Variants in RANBP17 observed in about 807,000 individuals in gnomAD.
RANBP17 encodes ran-binding protein 17.
A neutral mutation model predicts 141.2 loss-of-function variants in RANBP17; 158 were observed. That is an observed-to-expected ratio of 1.12 (90% CI 0.98 to 1.28). The LOEUF is 1.28. Ranked by LOEUF, RANBP17 falls within the 50% of genes most tolerant of loss-of-function variation. The probability of loss-of-function intolerance (pLI) is 0.00; values close to 1 mark genes in which losing one functional copy is unlikely to be tolerated. For missense variants in RANBP17, 1,438 were observed against 1,290.7 expected (o/e 1.11, Z -1.75); for synonymous variants, 430 against 450.0 (o/e 0.96, Z 0.56).
intron 24 of RANBP17, among the ~76,000 whole-genome samples, chr5:171,256,323 A>C (rs1214085084): frequency 6.6e-6 from 1 of 152,216 alleles, no homozygotes; most frequent in Admixed American, 6.5e-5. Flanking sequence ...GTGGGGATTA[A>C]TTAGAGATAA....
chr5:171,206,651 C>G (rs996265900), intron 20 of RANBP17: 1 of 177,640 alleles, frequency 5.6e-6, no homozygotes, highest in African/African-American at 2.4e-5. Flanking sequence ...GCAATAGAAA[C>G]TTCTTAAAGG....
rs1767076411 is a variant in RANBP17, at chr5:171,271,075, C to CCTTTTTTTTTTTTTTTTTTTTTTT, written c.2943+5228_2943+5229insCTTTTTTTTTTTTTTTTTTTTTTT. 2 of 27,540 alleles carry CCTTTTTTTTTTTTTTTTTTTTTTT rather than the reference C, an allele frequency of 7.3e-5. 1 individual carries two copies. Among genetic ancestry groups the CCTTTTTTTTTTTTTTTTTTTTTTT allele is most frequent in the Non-Finnish European group, 1.4e-4 (2 of 14,668 alleles). 1.7% of individuals were successfully genotyped at this position (27,540 alleles called of 1,614,324 possible). A position where few individuals can be genotyped will look rare whatever the true frequency, so the allele number is the denominator to read the frequency against. ...TTTCTCCCTCCTTTTTATGTTATTT[C>CCTTTTTTTTTTTTTTTTTTTTTTT]TTTTTTTTTTTTTTTTTTTTTTTTT... On this transcript the variant is annotated intron_variant, in intron 25 of 27. Transcript: ENST00000523189.
intron 14 of RANBP17, among the ~76,000 whole-genome samples, chr5:171,097,105 C>A (rs569601256): frequency 6.6e-6 from 1 of 152,228 alleles, no homozygotes; most frequent in South Asian, 2.1e-4. Context: ...AAATCTAATG[C>A]AGAAATTGTT....
intron 12 of RANBP17, among the ~76,000 whole-genome samples, chr5:170,934,615 G>T (rs574411153): frequency 6.6e-6 from 1 of 152,208 alleles, no homozygotes; most frequent in Admixed American, 6.5e-5. Context: ...TTTTCTTGAA[G>T]AATGTTGAAT....
chr5:171,249,725 T>A (rs926178582), intron 24 of RANBP17, among the ~76,000 whole-genome samples: 1 of 151,892 alleles, frequency 6.6e-6, no homozygotes, highest in Admixed American at 6.6e-5. Flanking sequence ...ACAAAAAAAA[T>A]TTGAAAGAAA....
intron 14 of RANBP17, among the ~76,000 whole-genome samples, chr5:171,152,862 T>G (rs1436276275): frequency 6.6e-6 from 1 of 152,196 alleles, no homozygotes; most frequent in Non-Finnish European, 1.5e-5. Flanking sequence ...ATGACGAAGG[T>G]GTCATTAACC....
At chr5:171,096,282 G>C (rs549060971) in intron 14 of RANBP17, among the ~76,000 whole-genome samples, 34 of 152,316 alleles carry the variant, frequency 2.2e-4, no homozygotes, top group African/African-American at 7.9e-4. Flanking sequence ...TAAAGTGTTA[G>C]TGACCAAGTA....
intron 14 of RANBP17, among the ~76,000 whole-genome samples, chr5:171,048,335 T>C (rs1031509172): frequency 3.3e-5 from 5 of 152,176 alleles, no homozygotes; most frequent in Admixed American, 6.6e-5. Flanking sequence ...GCTGGAATTA[T>C]AGGTGTGACC....
intron 14 of RANBP17, among the ~76,000 whole-genome samples, chr5:170,989,949 G>T (rs1233471770): frequency 6.6e-6 from 1 of 151,696 alleles, no homozygotes; most frequent in African/African-American, 2.4e-5. Flanking sequence ...ATTGTCTTTA[G>T]TACTAAAACA....
At chr5:171,234,095 G>A (rs1764379768) in intron 22 of RANBP17, among the ~76,000 whole-genome samples, 1 of 151,992 alleles carries the variant, frequency 6.6e-6, no homozygotes, top group Admixed American at 6.6e-5. Flanking sequence ...AAGTACCAGG[G>A]ATTTAGGGAC....
chr5:170,974,219 T>G (rs1388270189), intron 14 of RANBP17, among the ~76,000 whole-genome samples: 1 of 152,222 alleles, frequency 6.6e-6, no homozygotes, highest in Non-Finnish European at 1.5e-5. Context: ...CCCCTCTAGC[T>G]GTCAGCCTGT....
chr5:171,126,266 G>A (rs907840729), intron 14 of RANBP17, among the ~76,000 whole-genome samples: 1 of 152,142 alleles, frequency 6.6e-6, no homozygotes, highest in African/African-American at 2.4e-5. Flanking sequence ...AAAAACTCTT[G>A]AGACGAGTGA....
intron 14 of RANBP17, among the ~76,000 whole-genome samples, chr5:171,148,613 T>TAG (rs1303289472): frequency 0.024 from 3,532 of 150,270 alleles, 52 homozygotes; most frequent in African/African-American, 0.037. Context: ...TATATATATA[T>TAG]ATAGAGAGAG....
At chr5:171,189,569 A>C (rs1761490370) in intron 18 of RANBP17, among the ~76,000 whole-genome samples, 1 of 152,252 alleles carries the variant, frequency 6.6e-6, no homozygotes, top group East Asian at 1.9e-4. Flanking sequence ...TCCTGGAATC[A>C]GCTCTGGCTG....
intron 14 of RANBP17, among the ~76,000 whole-genome samples, chr5:171,098,773 C>G (rs1451504594): frequency 6.6e-6 from 1 of 152,010 alleles, no homozygotes; most frequent in East Asian, 1.9e-4. Flanking sequence ...GCTTTTAGGT[C>G]TTATGTTTAA....
In RANBP17 at chr5:171,053,878, CATATATATATATATATATAT is replaced by C. The variant is rs58623197; in HGVS notation, c.1710+85529_1710+85548del. Among the ~76,000 whole-genome samples the C allele has an allele frequency of 5.2e-3, 90 of 17,226 alleles. 1 individual carries two copies. Among genetic ancestry groups the C allele is most frequent in the African/African-American group, 0.013 (85 of 6,552 alleles). The allele number at this position is 17,226 out of a possible 152,430, so 11.3% of individuals were successfully genotyped here. A position where few individuals can be genotyped will look rare whatever the true frequency, so the allele number is the denominator to read the frequency against. On this transcript the variant is annotated intron_variant, in intron 14 of 27. Transcript: ENST00000523189. ...CTTCAAATCCTGTCAGTGTTTAGTT[CATATATATATATATATATAT>C]ATATATATATATATATATATATATA...
At chr5:171,229,013 G>A (rs1764043414) in intron 22 of RANBP17, among the ~76,000 whole-genome samples, 3 of 152,124 alleles carry the variant, frequency 2.0e-5, no homozygotes, top group Admixed American at 2.0e-4. Context: ...TATTTCCAAA[G>A]TGTGCCTATA....
At chr5:170,920,372 G>A (rs1431906409) in intron 11 of RANBP17, among the ~76,000 whole-genome samples, 2 of 152,104 alleles carry the variant, frequency 1.3e-5, no homozygotes, top group Non-Finnish European at 2.9e-5. Flanking sequence ...TAACTATGTA[G>A]TGGTACCTCA....
At chr5:171,050,898 T>C (rs1228792449) in intron 14 of RANBP17, among the ~76,000 whole-genome samples, 1 of 152,182 alleles carries the variant, frequency 6.6e-6, no homozygotes, top group Non-Finnish European at 1.5e-5. Flanking sequence ...TTCATCTTTA[T>C]TCATGAAGGA....
Sources: allele counts gnomAD v4.1 joint callset (sites outside exome capture counted in the v4.1 genomes callset), GRCh38; gene constraint gnomAD v4.1.1; transcripts MANE v1.5; gene names NCBI Gene and HGNC (gene_info 2026-07-23, HGNC 2026-07-21).